AUTS2: variants seen among roughly 807,000 people sequenced by gnomAD.
The protein encoded by AUTS2 is autism susceptibility gene 2 protein.
Under a neutral mutation model 112.4 loss-of-function variants are expected in AUTS2, and 17 were observed. The ratio of observed to expected loss-of-function variants is 0.15; its 90% confidence interval spans 0.10 to 0.23. The LOEUF (loss-of-function observed/expected upper bound fraction) is 0.23. AUTS2 is among the 10% of genes least tolerant of loss of function. The pLI is 1.00. For synonymous variants in AUTS2, 751 were observed against 702.7 expected (o/e 1.07, Z -1.09); for missense variants, 1,510 against 1,701.6 (o/e 0.89, Z 1.98).
intron 2 of AUTS2, among the ~76,000 whole-genome samples, chr7:70,016,528 C>T (rs1395685041): frequency 6.6e-6 from 1 of 152,110 alleles, no homozygotes; most frequent in African/African-American, 2.4e-5. Flanking sequence ...AGGGAATTCA[C>T]AGGGGATGAG....
intron 5 of AUTS2, among the ~76,000 whole-genome samples, chr7:70,473,613 C>T (rs928413483): frequency 2.0e-5 from 3 of 152,060 alleles, no homozygotes; most frequent in African/African-American, 4.8e-5. Flanking sequence ...AAATGCCTTC[C>T]GTAAGCACAG....
At chr7:69,790,452 A>C (rs1204032424) in intron 1 of AUTS2, among the ~76,000 whole-genome samples, 1 of 152,134 alleles carries the variant, frequency 6.6e-6, no homozygotes, top group Non-Finnish European at 1.5e-5. Flanking sequence ...GGGAGAGGTA[A>C]TATAAATGAT....
At chr7:70,114,375 A>G (rs2129571944) in intron 2 of AUTS2, among the ~76,000 whole-genome samples, 1 of 152,276 alleles carries the variant, frequency 6.6e-6, no homozygotes, top group African/African-American at 2.4e-5. Flanking sequence ...TTAAGCCAGC[A>G]TCTGGCCTTT....
At chr7:69,666,794 C>G (rs541178397) in intron 1 of AUTS2, among the ~76,000 whole-genome samples, 2 of 151,894 alleles carry the variant, frequency 1.3e-5, no homozygotes, top group African/African-American at 4.8e-5. Context: ...CATAGCTAGT[C>G]GGGAGGCTGA....
chr7:69,683,219 G>A (rs1337134988), intron 1 of AUTS2, among the ~76,000 whole-genome samples: 2 of 152,166 alleles, frequency 1.3e-5, no homozygotes, highest in Non-Finnish European at 2.9e-5. Flanking sequence ...CTTTTAATAT[G>A]CAAACGCAGC....
chr7:70,593,281 C>T (rs991190694), intron 5 of AUTS2, among the ~76,000 whole-genome samples: 4 of 152,192 alleles, frequency 2.6e-5, no homozygotes, highest in Admixed American at 6.5e-5. Flanking sequence ...AATAATGCTT[C>T]GTGCTGTGCA....
rs570332584 is a variant in AUTS2, at chr7:70,548,361, GTGGCTTGACTTT to G, written c.690+112582_690+112593del. On this transcript the variant is annotated intron_variant, in intron 5 of 18. Transcript: ENST00000342771. The stretch of plus-strand genomic sequence containing the variant: ...ATTTGCAAATATTTTCTCCCAGTCA[GTGGCTTGACTTT>G]TCATATCCGTAATGCTGACTTTTGA... Among the ~76,000 whole-genome samples the G allele has an allele frequency of 1.8e-3, 268 of 152,156 alleles. 1 individual carries two copies. Among genetic ancestry groups the G allele is most frequent in the African/African-American group, 6.2e-3 (256 of 41,534 alleles).
At chr7:70,152,117 A>G (rs1288957245) in intron 4 of AUTS2, among the ~76,000 whole-genome samples, 1 of 152,170 alleles carries the variant, frequency 6.6e-6, no homozygotes, top group Non-Finnish European at 1.5e-5. Flanking sequence ...AATTCATAGC[A>G]ACAGAAACTA....
intron 1 of AUTS2, among the ~76,000 whole-genome samples, chr7:69,625,198 G>A (rs1476461182): frequency 6.6e-6 from 1 of 152,206 alleles, no homozygotes; most frequent in African/African-American, 2.4e-5. Context: ...GACTCAGAAA[G>A]GTCTTTCAAA....
intron 2 of AUTS2, among the ~76,000 whole-genome samples, chr7:69,952,153 C>T (rs948948301): frequency 2.6e-5 from 4 of 151,588 alleles, no homozygotes; most frequent in East Asian, 1.9e-4. Context: ...TATTTTTTTG[C>T]TTCCAAAAAC....
chr7:70,243,452 C>T (rs749614236), intron 4 of AUTS2, among the ~76,000 whole-genome samples: 2 of 151,894 alleles, frequency 1.3e-5, no homozygotes, highest in Non-Finnish European at 2.9e-5. Context: ...TCCAGGATTT[C>T]TGAGTTTCTT....
intron 2 of AUTS2, among the ~76,000 whole-genome samples, chr7:70,027,373 T>C (rs1209093420): frequency 5.9e-5 from 9 of 152,184 alleles, no homozygotes; most frequent in Non-Finnish European, 1.3e-4. Flanking sequence ...ATCCTTTACA[T>C]GTTTATATTT....
At chr7:69,715,941 G>A (rs374364593) in intron 1 of AUTS2, among the ~76,000 whole-genome samples, 1 of 152,160 alleles carries the variant, frequency 6.6e-6, no homozygotes, top group South Asian at 2.1e-4. Context: ...AGGTGATGAA[G>A]GTAGGAGAGG....
intron 1 of AUTS2, among the ~76,000 whole-genome samples, chr7:69,857,811 C>T (rs189823851): frequency 9.4e-4 from 140 of 149,638 alleles, no homozygotes; most frequent in African/African-American, 3.4e-3. Context: ...AGTGAGACTC[C>T]GTCTCAAAAA....
At position 69,784,631 on chromosome 7, in the gene AUTS2, TG is replaced by T. The variant is rs561626646; in HGVS notation, c.310-114651del. Among the ~76,000 whole-genome samples, 21 of 152,254 alleles carry T rather than the reference TG, an allele frequency of 1.4e-4. No individual in the cohort carries two copies. In the East Asian group the frequency reaches 4.0e-3, roughly 29 times the overall value. ...GACCCAGAACAGTACCAAGGGGAGC[TG>T]GGGAGTTGTTATTTGTAAGTGTAGA... On this transcript the variant is annotated intron_variant, in intron 1 of 18. Transcript: ENST00000342771.
chr7:69,868,445 A>G (rs1203817550), intron 1 of AUTS2, among the ~76,000 whole-genome samples: 2 of 152,208 alleles, frequency 1.3e-5, no homozygotes, highest in Non-Finnish European at 2.9e-5. Context: ...AACACAAACA[A>G]TTGGATGATG....
At chr7:70,076,499 AC>A (rs1803041478) in intron 2 of AUTS2, among the ~76,000 whole-genome samples, 2 of 152,190 alleles carry the variant, frequency 1.3e-5, no homozygotes, top group African/African-American at 4.8e-5. Flanking sequence ...GTGAGGACTT[AC>A]TGTAGTTAGG....
chr7:70,262,378 C>T (rs1163806021), intron 4 of AUTS2, among the ~76,000 whole-genome samples: 10 of 152,190 alleles, frequency 6.6e-5, no homozygotes, highest in African/African-American at 1.9e-4. Flanking sequence ...TTACTAGAGA[C>T]GAGGTTTCAC....
intron 5 of AUTS2, among the ~76,000 whole-genome samples, chr7:70,675,651 G>T (rs973096793): frequency 1.3e-4 from 20 of 152,198 alleles, no homozygotes; most frequent in African/African-American, 4.8e-4. Flanking sequence ...ATGACTGGTG[G>T]TGACATGAAT....
Sources: allele counts gnomAD v4.1 joint callset (sites outside exome capture counted in the v4.1 genomes callset), GRCh38; gene constraint gnomAD v4.1.1; transcripts MANE v1.5; gene names NCBI Gene and HGNC (gene_info 2026-07-23, HGNC 2026-07-21).